The following KCNJ6 variants were observed in gnomAD, a reference collection of about 807,000 sequenced individuals.
KCNJ6 encodes the protein G protein-activated inward rectifier potassium channel 2.
A neutral mutation model predicts 34.2 loss-of-function variants in KCNJ6; 9 were observed. That is an observed-to-expected ratio of 0.26 (90% CI 0.16 to 0.46). KCNJ6 has a LOEUF of 0.46. Ranked by LOEUF, KCNJ6 falls within the 20% of genes least tolerant of loss-of-function variation. KCNJ6 has a pLI of 1.00. For synonymous variants in KCNJ6, 196 were observed against 207.1 expected (o/e 0.95, Z 0.46); for missense variants, 236 against 531.3 (o/e 0.44, Z 5.46).
intron 3 of KCNJ6, among the ~76,000 whole-genome samples, chr21:37,679,556 C>T (rs142667309): frequency 1.2e-4 from 19 of 152,292 alleles, no homozygotes; most frequent in African/African-American, 3.4e-4. Context: ...TTGATAATTG[C>T]ATGATCTCAG....
intron 3 of KCNJ6, among the ~76,000 whole-genome samples, chr21:37,650,078 A>G (rs1477345031): frequency 6.6e-6 from 1 of 152,120 alleles, no homozygotes; most frequent in East Asian, 1.9e-4. Flanking sequence ...CCAGCATTTA[A>G]AAACAATCTG....
chr21:37,811,675 T>C (rs567949262), intron 2 of KCNJ6, among the ~76,000 whole-genome samples: 1 of 152,268 alleles, frequency 6.6e-6, no homozygotes, highest in Admixed American at 6.5e-5. Context: ...CCACTTCAAA[T>C]TTGTGAATTT....
chr21:37,906,136 A>G (rs2055840341), intron 1 of KCNJ6, among the ~76,000 whole-genome samples: 1 of 152,268 alleles, frequency 6.6e-6, no homozygotes, highest in Non-Finnish European at 1.5e-5. Context: ...CCAAAATACT[A>G]AGCAGTTTAT....
chr21:37,841,003 A>G (rs1447926140), intron 1 of KCNJ6, among the ~76,000 whole-genome samples: 3 of 152,168 alleles, frequency 2.0e-5, no homozygotes, highest in Admixed American at 2.0e-4. Flanking sequence ...CCTCTTTGAC[A>G]CTGGATTTTT....
intron 2 of KCNJ6, among the ~76,000 whole-genome samples, chr21:37,815,814 AG>A (rs1375914456): frequency 3.9e-5 from 6 of 152,342 alleles, no homozygotes; most frequent in African/African-American, 9.6e-5. Context: ...CCTTGGCTTT[AG>A]CCCCCATATG....
At chr21:37,645,295 GT>G (rs1333801671) in intron 3 of KCNJ6, among the ~76,000 whole-genome samples, 2 of 152,032 alleles carry the variant, frequency 1.3e-5, no homozygotes, top group African/African-American at 4.8e-5. Context: ...AACCCCAGAG[GT>G]CGAGGCTGTG....
intron 2 of KCNJ6, among the ~76,000 whole-genome samples, chr21:37,783,698 A>T (rs954836453): frequency 7.9e-5 from 12 of 152,132 alleles, no homozygotes; most frequent in African/African-American, 2.9e-4. Flanking sequence ...TTTGTCATGA[A>T]TTGAATGTTC....
chr21:37,835,234 G>A (rs2055445960), intron 2 of KCNJ6, among the ~76,000 whole-genome samples: 1 of 152,198 alleles, frequency 6.6e-6, no homozygotes, highest in African/African-American at 2.4e-5. Context: ...ATGCAGAGAA[G>A]GGGACAGAAG....
chr21:37,662,136 A>G (rs1245130011), intron 3 of KCNJ6, among the ~76,000 whole-genome samples: 1 of 152,076 alleles, frequency 6.6e-6, no homozygotes, highest in Non-Finnish European at 1.5e-5. Context: ...CATGTGCAGG[A>G]TGTACAGGTT....
chr21:37,912,962 G>A (rs1410342044), intron 1 of KCNJ6, among the ~76,000 whole-genome samples: 1 of 152,204 alleles, frequency 6.6e-6, no homozygotes, highest in African/African-American at 2.4e-5. Flanking sequence ...AAACAGGAAA[G>A]CAGCCAGGGA....
rs896865088 is a variant in KCNJ6 at position 37,714,138 on chromosome 21, T to C, written c.946+73A>G. On this transcript the variant is annotated intron_variant, in intron 3 of 3. Coordinates refer to ENST00000609713, the MANE Select transcript of KCNJ6 (RefSeq NM_002240.5). The surrounding 1 kb of genome is among the most constrained non-coding windows in gnomAD (Gnocchi z 5.9). ...AGGTTCAGTATTCTAGATCTTGTAA[T>C]AGATAAGAACATCAGGTCCAGTTTA... 5.7e-6 allele frequency: 6 copies of C among 1,044,724 alleles called. No homozygotes were observed. Among genetic ancestry groups the C allele is most frequent in the Non-Finnish European group, 8.6e-6 (6 of 694,952 alleles). The allele number at this position is 1,044,724 out of a possible 1,614,324, so 64.7% of individuals were successfully genotyped here. A position where few individuals can be genotyped will look rare whatever the true frequency, so the allele number is the denominator to read the frequency against.
chr21:37,803,230 T>C (rs1263693114), intron 2 of KCNJ6, among the ~76,000 whole-genome samples: 1 of 152,206 alleles, frequency 6.6e-6, no homozygotes, highest in Non-Finnish European at 1.5e-5. Context: ...GAGGCTATTC[T>C]ATCTCAGTGG....
chr21:37,725,209 A>G (rs1194794070), intron 2 of KCNJ6, among the ~76,000 whole-genome samples: 1 of 152,210 alleles, frequency 6.6e-6, no homozygotes, highest in African/African-American at 2.4e-5. Context: ...CCTGGCCAAC[A>G]TAGTGAAACC....
chr21:37,777,434 C>T (rs937129596), intron 2 of KCNJ6, among the ~76,000 whole-genome samples: 2 of 152,088 alleles, frequency 1.3e-5, no homozygotes, highest in African/African-American at 2.4e-5. Flanking sequence ...TTATCTTCTG[C>T]TTTTTGACTC....
intron 3 of KCNJ6, among the ~76,000 whole-genome samples, chr21:37,670,164 T>C (rs1338542980): frequency 6.6e-6 from 1 of 152,222 alleles, no homozygotes; most frequent in African/African-American, 2.4e-5. Flanking sequence ...TGAAAGTCAA[T>C]TATTCTAAGG....
intron 2 of KCNJ6, among the ~76,000 whole-genome samples, chr21:37,758,286 GTGT>G (rs1473120022): frequency 6.6e-6 from 1 of 152,174 alleles, no homozygotes; most frequent in Non-Finnish European, 1.5e-5. Flanking sequence ...GACTCAAAAG[GTGT>G]TCTGGGATCA....
At position 37,714,326 on chromosome 21, in the gene KCNJ6, C is replaced by T. The variant is rs1160198669; in HGVS notation, c.831G>A (p.Leu277=). 1 of 1,614,068 alleles carries T rather than the reference C, an allele frequency of 6.2e-7. No homozygotes were observed. Among genetic ancestry groups the T allele is most frequent in the South Asian group, 1.1e-5 (1 of 91,076 alleles). Residue 277 remains leucine, a synonymous_variant, in exon 3 of 4, where the codon CTG becomes CTA. Coordinates refer to ENST00000609713, the MANE Select transcript of KCNJ6 (RefSeq NM_002240.5). This position sits in a 1 kb window ranked among gnomAD's most constrained non-coding sequence, Gnocchi z 5.9. ...GDDRLFLVSP[L]IISHEINQQS... is the part of the protein sequence containing the mutation. ...GTTGGTTAATTTCATGGCTAATGAT[C>T]AGCGGTGACACCAGAAACAGACGGT...
chr21:37,637,558 C>G (rs2054363430), intron 3 of KCNJ6, among the ~76,000 whole-genome samples: 4 of 151,984 alleles, frequency 2.6e-5, no homozygotes, highest in Admixed American at 1.3e-4. Context: ...GTGAGCCAAC[C>G]ATCTGGTCCC....
chr21:37,830,257 T>C (rs1304430130), intron 2 of KCNJ6, among the ~76,000 whole-genome samples: 1 of 152,154 alleles, frequency 6.6e-6, no homozygotes, highest in East Asian at 1.9e-4. Context: ...ATCCCAGTGT[T>C]AGGCAAGTGG....
Sources: allele counts gnomAD v4.1 joint callset (sites outside exome capture counted in the v4.1 genomes callset), GRCh38; gene constraint gnomAD v4.1.1; non-coding constraint Gnocchi (gnomAD v3.1); transcripts MANE v1.5; gene names NCBI Gene and HGNC (gene_info 2026-07-23, HGNC 2026-07-21).